CCDC125: variants seen among roughly 807,000 people sequenced by gnomAD.
The protein encoded by CCDC125 is coiled-coil domain containing 125, also known as coiled-coil domain-containing protein 125.
In CCDC125, 43 loss-of-function variants were observed where a neutral mutation model predicts 57.4. That is an observed-to-expected ratio of 0.75 (90% confidence interval 0.59 to 0.97). The LOEUF is 0.97. Among genes scored for constraint, CCDC125 ranks in the 50% least tolerant of loss-of-function variants. The probability of loss-of-function intolerance (pLI) is 0.00; values close to 1 mark genes in which losing one functional copy is unlikely to be tolerated. For synonymous variants in CCDC125, 187 were observed against 195.2 expected (o/e 0.96, Z 0.35); for missense variants, 563 against 595.7 (o/e 0.95, Z 0.57).
In CCDC125 at chr5:69,320,372, A is replaced by G. The variant is rs769059092; in HGVS notation, c.169T>C (p.Phe57Leu). The change falls in exon 2 of 12, where the codon TTT becomes CTT. Residue 57 changes from phenylalanine (F) to leucine (L), a missense_variant. Phe to Leu is a conservative substitution (Grantham distance 22, BLOSUM62 0). Coordinates refer to ENST00000396496, the MANE Select transcript of CCDC125 (RefSeq NM_176816.5). ...TTTCTCGGAAATGGAGGAGGGCTAA[A>G]GTTCTTTCCATCTGATCTTTTTCTA... ...RSRKRSDGKN[F>L]SPPPFPRKGE... 6.2e-7 allele frequency: 1 copy of G among 1,614,076 alleles called. No homozygotes were observed. Among genetic ancestry groups the G allele is most frequent in the Admixed American group, 1.7e-5 (1 of 60,000 alleles).
intron 10 of CCDC125, among the ~76,000 whole-genome samples, chr5:69,286,558 CACG>C (rs1388519045): frequency 6.6e-6 from 1 of 151,896 alleles, no homozygotes; most frequent in African/African-American, 2.4e-5. Flanking sequence ...TTACCACCAT[CACG>C]ACAACAACAA....
chr5:69,286,216 A>G (rs1376580847), intron 10 of CCDC125, among the ~76,000 whole-genome samples: 2 of 123,154 alleles, frequency 1.6e-5, no homozygotes, highest in African/African-American at 6.0e-5. Context: ...ATATATATAT[A>G]TATATATATA....
chr5:69,327,741 C>T (rs553691505), intron 1 of CCDC125, among the ~76,000 whole-genome samples: 2 of 152,264 alleles, frequency 1.3e-5, no homozygotes, highest in South Asian at 4.1e-4. Flanking sequence ...TATTTGAAAT[C>T]AACTATGGTA....
intron 1 of CCDC125, among the ~76,000 whole-genome samples, chr5:69,325,441 A>C (rs1760608289): frequency 1.3e-5 from 2 of 152,130 alleles, no homozygotes; most frequent in South Asian, 4.1e-4. Flanking sequence ...CTCTGCAAGA[A>C]AATACCATTA....
At chr5:69,315,136 G>A (rs961701595) in intron 2 of CCDC125, among the ~76,000 whole-genome samples, 3 of 151,754 alleles carry the variant, frequency 2.0e-5, no homozygotes, top group East Asian at 3.9e-4. Flanking sequence ...CCTGCCTGTA[G>A]TCTCAGCTAC....
At chr5:69,307,559 G>A (rs529031846) in intron 5 of CCDC125, 2 of 170,158 alleles carry the variant, frequency 1.2e-5, no homozygotes, top group Non-Finnish European at 1.3e-5. Context: ...GCGGGCACCT[G>A]TAATCCCAGC....
downstream of CCDC125, chr5:69,277,284 T>TA: frequency 2.2e-6 from 1 of 457,736 alleles, no homozygotes; most frequent in Non-Finnish European, 3.8e-6. Context: ...TTATTTTTAT[T>TA]AAATGTATTT....
At chr5:69,283,324 A>G (rs1752729544) in intron 11 of CCDC125, among the ~76,000 whole-genome samples, 1 of 148,928 alleles carries the variant, frequency 6.7e-6, no homozygotes, top group Non-Finnish European at 1.5e-5. Flanking sequence ...GGTTCACACT[A>G]TTCTCCTGCC....
chr5:69,317,780 T>C (rs1045640205), intron 2 of CCDC125, among the ~76,000 whole-genome samples: 3 of 152,084 alleles, frequency 2.0e-5, no homozygotes, highest in Non-Finnish European at 4.4e-5. Context: ...CTAACTGTTT[T>C]GACAATTTTT....
At chr5:69,286,994 T>TAAAAA (rs33957725) in intron 10 of CCDC125, among the ~76,000 whole-genome samples, 3 of 112,760 alleles carry the variant, frequency 2.7e-5, no homozygotes, top group Admixed American at 9.6e-5. Flanking sequence ...GAGTTTAAGA[T>TAAAAA]AAAAAAAAAA....
the CCDC125 span, chr5:69,273,125 T>C: frequency 1.0e-6 from 1 of 968,414 alleles, no homozygotes. Flanking sequence ...TTCATAAAAT[T>C]AACATTTTTT....
intron 5 of CCDC125, 62 bp from the exon 6 acceptor site, chr5:69,306,964 G>A: frequency 7.4e-7 from 1 of 1,353,396 alleles, no homozygotes; most frequent in African/African-American, 1.5e-5. Context: ...TCAGGACATT[G>A]TGAATAGCTG....
intron 10 of CCDC125, among the ~76,000 whole-genome samples, chr5:69,290,466 C>T (rs1303084230): frequency 6.6e-6 from 1 of 151,006 alleles, no homozygotes; most frequent in South Asian, 2.1e-4. Context: ...TCACACCCAG[C>T]TAATTTTTGT....
At chr5:69,301,739 A>C (rs1365007875) in intron 7 of CCDC125, among the ~76,000 whole-genome samples, 1 of 150,422 alleles carries the variant, frequency 6.6e-6, no homozygotes, top group Non-Finnish European at 1.5e-5. Context: ...TGTCTCAAAA[A>C]AAAAAAAGAA....
intron 2 of CCDC125, among the ~76,000 whole-genome samples, chr5:69,318,754 A>G (rs1330883667): frequency 1.3e-5 from 2 of 151,828 alleles, no homozygotes; most frequent in Non-Finnish European, 2.9e-5. Context: ...ACTCCACCTC[A>G]TAATAAATAA....
chr5:69,286,994 T>TAAAAAAAAAAAAAAAAAAAACCAAAAAA (rs33957725), intron 10 of CCDC125, among the ~76,000 whole-genome samples: 2 of 112,774 alleles, frequency 1.8e-5, no homozygotes, highest in African/African-American at 3.6e-5. Flanking sequence ...GAGTTTAAGA[T>TAAAAAAAAAAAAAAAAAAAACCAAAAAA]AAAAAAAAAA....
chr5:69,302,451 C>T (rs1418251684), intron 7 of CCDC125, among the ~76,000 whole-genome samples: 2 of 131,012 alleles, frequency 1.5e-5, no homozygotes, highest in African/African-American at 2.8e-5. Context: ...AAAGGCCAGT[C>T]GCGGTGGCTC....
intron 4 of CCDC125, chr5:69,308,963 CT>C (rs1302552482): frequency 2.6e-5 from 4 of 152,870 alleles, no homozygotes; most frequent in African/African-American, 7.2e-5. Context: ...CATTTTGCCC[CT>C]GCCCTAGAGA....
chr5:69,291,858 T>C (rs999695313), intron 10 of CCDC125, among the ~76,000 whole-genome samples: 3 of 152,246 alleles, frequency 2.0e-5, no homozygotes, highest in African/African-American at 7.2e-5. Flanking sequence ...TTCACATTAC[T>C]TCCTTCTTGG....
Sources: gnomAD v4.1 joint callset for allele counts (sites outside exome capture counted in the v4.1 genomes callset) on GRCh38, gnomAD v4.1.1 for gene constraint, MANE v1.5 for transcripts, NCBI Gene and HGNC (gene_info 2026-07-23, HGNC 2026-07-21) for gene names.